Variants in CYLD observed in about 807,000 individuals in gnomAD.
CYLD encodes CYLD lysine 63 deubiquitinase, also known as ubiquitin carboxyl-terminal hydrolase CYLD.
CYLD carries 26 observed loss-of-function variants against 104.5 expected under a neutral mutation model. The observed-to-expected ratio is 0.25, with a 90% CI of 0.18 to 0.35. The LOEUF is 0.35. CYLD is among the 10% of genes least tolerant of loss of function. The pLI is 1.00. For synonymous variants in CYLD, 385 were observed against 399.9 expected (o/e 0.96, Z 0.45); for missense variants, 703 against 1,136.1 (o/e 0.62, Z 5.48).
At chr16:50,775,070 AG>A (rs1199518232) in intron 5 of CYLD, 95 bp from the exon 6 acceptor site, 1 of 985,114 alleles carries the variant, frequency 1.0e-6, no homozygotes, top group Non-Finnish European at 1.5e-6. Context: ...TTTTAAGAAA[AG>A]TCTTTTCCTT....
intron 15 of CYLD, 144 bp from the exon 16 acceptor site, chr16:50,792,453 C>A: frequency 1.6e-6 from 1 of 628,220 alleles, no homozygotes; most frequent in Non-Finnish European, 2.9e-6. Context: ...TGTCCACAGC[C>A]CATGGTCACG....
chr16:50,796,460 T>C lies in CYLD; in HGVS notation c.2823T>C (p.Asp941=). 4 of 1,613,938 alleles carry C rather than the reference T, an allele frequency of 2.5e-6. No individual in the cohort carries two copies. Among genetic ancestry groups the C allele is most frequent in the Non-Finnish European group, 3.4e-6 (4 of 1,180,022 alleles). The change falls in exon 19 of 19, where the codon GAT becomes GAC. Residue 941 remains aspartate, a synonymous_variant. Transcript: ENST00000427738. ...IQGCARRLLC[D]AYMCMYQSPT... Reference sequence around the variant, plus strand: ...GCTGTGCACGAAGACTGCTTTGTGATGCATATATGTGCATGTACCAGAGTC... The same window carrying C: ...GCTGTGCACGAAGACTGCTTTGTGACGCATATATGTGCATGTACCAGAGTC...
Position 50,744,651 on chromosome 16 carries a change from C to A in CYLD, c.-124+1810C>A, listed in dbSNP as rs1966025830. ...TGATAACTTGAGAATCAGAAAAACA[C>A]TGCATCTTCTGGATAAGTTAACCAT... On this transcript the variant is annotated intron_variant, in intron 2 of 18. Transcript: ENST00000427738. The A allele has an allele frequency of 2.6e-5, 4 of 152,476 alleles. No individual in the cohort carries two copies. The South Asian group carries it at 8.3e-4, about 32-fold the overall frequency. 9.4% of individuals were successfully genotyped at this position (152,476 alleles called of 1,614,324 possible).
chr16:50,793,783 C>T (rs967215399), intron 17 of CYLD, 119 bp downstream of exon 17: 2 of 779,206 alleles, frequency 2.6e-6, no homozygotes, highest in African/African-American at 3.4e-5. Flanking sequence ...TAAAAATTCA[C>T]AATAAAATGG....
chr16:50,748,224 T>G (rs576263247), intron 2 of CYLD, among the ~76,000 whole-genome samples: 1 of 152,312 alleles, frequency 6.6e-6, no homozygotes, highest in South Asian at 2.1e-4. Flanking sequence ...GCCACATTCT[T>G]ATGACAGGGA....
intron 14 of CYLD, among the ~76,000 whole-genome samples, chr16:50,788,223 T>C (rs1056149722): frequency 1.3e-5 from 2 of 152,218 alleles, no homozygotes; most frequent in Non-Finnish European, 2.9e-5. Flanking sequence ...TTCTGTCTAC[T>C]CATCACTCAA....
chr16:50,789,906 T>C (rs940537866), intron 14 of CYLD, among the ~76,000 whole-genome samples: 1 of 152,142 alleles, frequency 6.6e-6, no homozygotes, highest in Non-Finnish European at 1.5e-5. Context: ...TGTTACCTCA[T>C]TGATGCAGTG....
At chr16:50,754,988 CATA>C (rs1966871792) in intron 5 of CYLD, among the ~76,000 whole-genome samples, 1 of 27,584 alleles carries the variant, frequency 3.6e-5, no homozygotes, top group African/African-American at 2.7e-4. Flanking sequence ...TACATATATA[CATA>C]TATATGTATA....
intron 14 of CYLD, among the ~76,000 whole-genome samples, chr16:50,790,350 G>A (rs1971302146): frequency 2.0e-5 from 3 of 152,146 alleles, no homozygotes. Flanking sequence ...TGTTTGCAAT[G>A]CAGTGGTCCG....
At chr16:50,791,805 T>C (rs567855757) in intron 15 of CYLD, 115 bp downstream of exon 15, 2 of 1,190,322 alleles carry the variant, frequency 1.7e-6, no homozygotes, top group African/African-American at 3.0e-5. Flanking sequence ...AAACACAAAC[T>C]GTTAAGAAAC....
chr16:50,758,371 G>T (rs1190671323), intron 5 of CYLD, among the ~76,000 whole-genome samples: 1 of 152,172 alleles, frequency 6.6e-6, no homozygotes, highest in Non-Finnish European at 1.5e-5. Context: ...GTGGGAGCTG[G>T]AACAGGTAGT....
intron 5 of CYLD, among the ~76,000 whole-genome samples, chr16:50,774,468 A>G (rs1433548810): frequency 2.6e-5 from 4 of 152,218 alleles, no homozygotes; most frequent in African/African-American, 7.2e-5. Flanking sequence ...GATATTGAAA[A>G]CAATAATCAG....
rs1473642841 is a variant in CYLD at position 50,751,655 on chromosome 16, C to T, written c.556C>T (p.Leu186Phe). 1 of 1,613,698 alleles carries T rather than the reference C, an allele frequency of 6.2e-7. No individual in the cohort carries two copies. Among genetic ancestry groups the T allele is most frequent in the South Asian group, 1.1e-5 (1 of 91,064 alleles). ...TGACGGGGTGTACCAAGGGAAACAG[C>T]TTTTTCAGTGTGATGAAGATTGTGG... ...FTDGVYQGKQ[L>F]FQCDEDCGVF... Residue 186 changes from leucine (L) to phenylalanine (F), a missense_variant, in exon 4 of 19, where the codon CTT becomes TTT. Transcript: ENST00000427738.
rs1265129302 is a variant in CYLD, at chr16:50,777,815, G to T, written c.1022-10G>T. 1.4e-6 allele frequency: 2 copies of T among 1,429,942 alleles called. No individual in the cohort carries two copies. Among genetic ancestry groups the T allele is most frequent in the African/African-American group, 2.8e-5 (2 of 71,250 alleles). 88.6% of individuals were successfully genotyped at this position (1,429,942 alleles called of 1,614,324 possible). A position where few individuals can be genotyped will look rare whatever the true frequency, so the allele number is the denominator to read the frequency against. ...TTTATTTTTAAATGAAACTTTTCTT[G>T]TTCCTATAGGATCTACCTCAGACCC... On this transcript the variant is annotated splice_polypyrimidine_tract_variant and intron_variant, in intron 7 of 18. Transcript: ENST00000427738.
At chr16:50,757,047 C>G (rs891854997) in intron 5 of CYLD, among the ~76,000 whole-genome samples, 1 of 151,966 alleles carries the variant, frequency 6.6e-6, no homozygotes, top group African/African-American at 2.4e-5. Flanking sequence ...GTCTCTAATT[C>G]TATAAAAGCT....
At chr16:50,769,338 T>C (rs1241734086) in intron 5 of CYLD, among the ~76,000 whole-genome samples, 1 of 152,194 alleles carries the variant, frequency 6.6e-6, no homozygotes, top group Admixed American at 6.5e-5. Context: ...AGTTCTTCCA[T>C]ATCTTTGCCA....
intron 14 of CYLD, among the ~76,000 whole-genome samples, chr16:50,789,338 G>A (rs116121164): frequency 0.013 from 1,936 of 152,270 alleles, 47 homozygotes; most frequent in African/African-American, 0.044. Context: ...ATTTTAAAGA[G>A]ATAAATTTCA....
chr16:50,787,819 A>G lies in CYLD; in HGVS notation c.2075A>G (p.His692Arg). The stretch of plus-strand genomic sequence containing the variant: ...GAATTCTTGAATATTCTGTTTCATC[A>G]TATTTTAAGGGTAGAACCTTTGCTA... The part of the protein sequence containing the change: ...PEEFLNILFH[H>R]ILRVEPLLKI... Residue 692 changes from histidine (H) to arginine (R), a missense_variant, in exon 14 of 19, where the codon CAT (histidine) becomes CGT (arginine). Coordinates refer to ENST00000427738, the MANE Select transcript of CYLD (RefSeq NM_001378743.1). The G allele has an allele frequency of 6.4e-7, 1 of 1,559,028 alleles. No individual in the cohort carries two copies. Among genetic ancestry groups the G allele is most frequent in the Middle Eastern group, 1.7e-4 (1 of 5,908 alleles).
rs1394654032 is a variant in CYLD at position 50,749,703 on chromosome 16, G to A, written c.5G>A (p.Ser2Asn). 2 of 1,613,538 alleles carry A rather than the reference G, an allele frequency of 1.2e-6. No homozygotes were observed. The highest frequency in any genetic ancestry group is 2.2e-5 in the South Asian group (2 of 91,044). The change falls in exon 3 of 19, where the codon AGT becomes AAT. Residue 2 changes from serine (S) to asparagine (N), a missense_variant. Ser to Asn is a conservative substitution (Grantham distance 46, BLOSUM62 1). This residue lies in a region of CYLD where 142 missense variants were observed against 165.1 expected (regional missense o/e 0.86). Transcript: ENST00000427738. Reference protein sequence around the residue: MSSGLWSQEKVT... With the variant: MNSGLWSQEKVT... The stretch of plus-strand genomic sequence containing the variant: ...TATTTTGAAGTTAATATCACAATGA[G>A]TTCAGGCTTATGGAGCCAAGAAAAA...
Sources: allele counts gnomAD v4.1 joint callset (sites outside exome capture counted in the v4.1 genomes callset), GRCh38; gene constraint gnomAD v4.1.1; regional missense constraint gnomAD v4.1.1; transcripts MANE v1.5; gene names NCBI Gene and HGNC (gene_info 2026-07-23, HGNC 2026-07-21).